Variants in ENOX1 observed in about 807,000 individuals in gnomAD.
ENOX1 encodes the protein candidate growth-related and time keeping constitutive hydroquinone (NADH) oxidase.
A neutral mutation model predicts 82.5 loss-of-function variants in ENOX1; 42 were observed. That is an observed-to-expected ratio of 0.51 (90% confidence interval 0.40 to 0.66). ENOX1 has a LOEUF of 0.66. ENOX1 is among the 30% of genes least tolerant of loss of function. The probability of loss-of-function intolerance (pLI) is 0.00; values close to 1 mark genes in which losing one functional copy is unlikely to be tolerated. For synonymous variants in ENOX1, 271 were observed against 282.2 expected (o/e 0.96, Z 0.40); for missense variants, 608 against 811.6 (o/e 0.75, Z 3.05).
chr13:43,684,878 T>C (rs1409777401), intron 1 of ENOX1, among the ~76,000 whole-genome samples: 2 of 152,202 alleles, frequency 1.3e-5, no homozygotes, highest in African/African-American at 4.8e-5. Context: ...GCATATGTTA[T>C]ACTCAGTCAA....
chr13:43,434,937 G>GTTTGTTTTTTTTTTTTTT lies in ENOX1; in HGVS notation c.-74-21950_-74-21949insAAAAAAAAAAAAAACAAA, dbSNP rs1555273075. Reference sequence around the variant, plus strand: ...CGTGTCTTATTATTGTGTGTGTGTGGTTTTTTTTTTTTTTTTTTTTTTTTT... The same window carrying GTTTGTTTTTTTTTTTTTT: ...CGTGTCTTATTATTGTGTGTGTGTGGTTTGTTTTTTTTTTTTTTTTTTTTTTTTTTTTTTTTTTTTTTT... On this transcript the variant is annotated intron_variant, in intron 3 of 16. Transcript: ENST00000690772. Among the ~76,000 whole-genome samples, 2 of 75,904 alleles carry GTTTGTTTTTTTTTTTTTT rather than the reference G, an allele frequency of 2.6e-5. 1 individual carries two copies. 49.8% of individuals were successfully genotyped at this position (75,904 alleles called of 152,430 possible). A position where few individuals can be genotyped will look rare whatever the true frequency, so the allele number is the denominator to read the frequency against.
intron 3 of ENOX1, among the ~76,000 whole-genome samples, chr13:43,453,414 A>G (rs995842307): frequency 1.3e-5 from 2 of 152,218 alleles, no homozygotes; most frequent in African/African-American, 4.8e-5. Context: ...CATACATTCT[A>G]GTGATGTTTA....
At chr13:43,355,251 G>C (rs181351160) in intron 8 of ENOX1, among the ~76,000 whole-genome samples, 1 of 152,266 alleles carries the variant, frequency 6.6e-6, no homozygotes, top group Admixed American at 6.5e-5. Flanking sequence ...AGGTACCAGA[G>C]CCTTCCTATG....
chr13:43,463,509 G>T (rs568142038), intron 3 of ENOX1, among the ~76,000 whole-genome samples: 8 of 152,254 alleles, frequency 5.3e-5, no homozygotes, highest in Admixed American at 5.2e-4. Context: ...GCATCAAAAA[G>T]CATCACCTTG....
chr13:43,591,906 C>A (rs1017028809), intron 2 of ENOX1, among the ~76,000 whole-genome samples: 1 of 152,104 alleles, frequency 6.6e-6, no homozygotes, highest in African/African-American at 2.4e-5. Context: ...ACCAGCCTGG[C>A]TTTGACACCC....
chr13:43,602,271 G>A (rs1157817034), intron 2 of ENOX1, among the ~76,000 whole-genome samples: 2 of 151,950 alleles, frequency 1.3e-5, no homozygotes, highest in Non-Finnish European at 2.9e-5. Flanking sequence ...TTTACTATAT[G>A]AGGATATTTT....
intron 1 of ENOX1, among the ~76,000 whole-genome samples, chr13:43,705,305 ACT>A (rs33978402): frequency 0.014 from 1,903 of 132,592 alleles, 47 homozygotes; most frequent in African/African-American, 0.05. Flanking sequence ...ACAAACAACA[ACT>A]CTCTCTCTCT....
chr13:43,779,350 G>A (rs1225622218), intron 1 of ENOX1, among the ~76,000 whole-genome samples: 2 of 152,204 alleles, frequency 1.3e-5, no homozygotes, highest in Admixed American at 6.5e-5. Context: ...AGGTTGTCTA[G>A]CTGGCTATGA....
At chr13:43,229,095 T>G (rs535731069) in intron 15 of ENOX1, among the ~76,000 whole-genome samples, 64 of 152,316 alleles carry the variant, frequency 4.2e-4, no homozygotes, top group Non-Finnish European at 5.7e-4. Context: ...TCGTGAGATC[T>G]GATGGTTTTA....
intron 2 of ENOX1, among the ~76,000 whole-genome samples, chr13:43,598,229 T>C (rs2081554123): frequency 6.6e-6 from 1 of 151,650 alleles, no homozygotes; most frequent in South Asian, 2.1e-4. Context: ...ACAGCCAAAT[T>C]AGTGTATAGC....
chr13:43,642,807 T>A (rs960871871), intron 2 of ENOX1, among the ~76,000 whole-genome samples: 1 of 152,254 alleles, frequency 6.6e-6, no homozygotes, highest in Non-Finnish European at 1.5e-5. Flanking sequence ...TAATGGAATA[T>A]CAATTTTCCT....
chr13:43,754,046 A>G, intron 1 of ENOX1, among the ~76,000 whole-genome samples: 1 of 47,956 alleles, frequency 2.1e-5, no homozygotes, highest in Non-Finnish European at 9.2e-5. Flanking sequence ...GTATATAAAT[A>G]CACATATATA....
chr13:43,555,771 G>GA (rs2079406988), intron 2 of ENOX1, among the ~76,000 whole-genome samples: 1 of 152,184 alleles, frequency 6.6e-6, no homozygotes, highest in Non-Finnish European at 1.5e-5. Flanking sequence ...TGTGCTAAGA[G>GA]TTTAGAATCA....
chr13:43,554,735 C>G lies in ENOX1; in HGVS notation c.-218-70583G>C, dbSNP rs1195284393. Among the ~76,000 whole-genome samples, 4 of 152,118 alleles carry G rather than the reference C, an allele frequency of 2.6e-5. No individual in the cohort carries two copies. The East Asian group carries it at 7.7e-4, about 29-fold the overall frequency. Reference sequence around the variant, plus strand: ...GGGACCACAGGTGCACACCACCACACTCAGCTAATTTTTGTATTGTTTGTA... The same window carrying G: ...GGGACCACAGGTGCACACCACCACAGTCAGCTAATTTTTGTATTGTTTGTA... On this transcript the variant is annotated intron_variant, in intron 2 of 16. Transcript: ENST00000690772.
intron 1 of ENOX1, among the ~76,000 whole-genome samples, chr13:43,767,232 G>A (rs1399695064): frequency 3.3e-5 from 5 of 152,208 alleles, no homozygotes; most frequent in Non-Finnish European, 7.3e-5. Flanking sequence ...TAAAGAGACA[G>A]GAGCAAAAAT....
At chr13:43,595,022 G>A (rs2081400886) in intron 2 of ENOX1, among the ~76,000 whole-genome samples, 1 of 151,444 alleles carries the variant, frequency 6.6e-6, no homozygotes, top group East Asian at 1.9e-4. Flanking sequence ...TCAGAGAGGC[G>A]GGTGGAGATC....
chr13:43,297,769 C>G (rs2046356704), intron 12 of ENOX1, among the ~76,000 whole-genome samples: 1 of 152,178 alleles, frequency 6.6e-6, no homozygotes, highest in Admixed American at 6.5e-5. Context: ...GTCTGGCACT[C>G]TTCAACAAAA....
intron 2 of ENOX1, among the ~76,000 whole-genome samples, chr13:43,535,846 C>A (rs1309794432): frequency 1.3e-5 from 2 of 152,188 alleles, no homozygotes; most frequent in African/African-American, 2.4e-5. Flanking sequence ...TACAGTTCCA[C>A]TCCTTGTTCT....
intron 2 of ENOX1, among the ~76,000 whole-genome samples, chr13:43,540,356 C>T (rs2078653149): frequency 6.6e-6 from 1 of 152,100 alleles, no homozygotes; most frequent in Admixed American, 6.5e-5. Flanking sequence ...CTAAAGCCAA[C>T]TTCGTGTTAC....
Sources: allele counts gnomAD v4.1 joint callset (sites outside exome capture counted in the v4.1 genomes callset), GRCh38; gene constraint gnomAD v4.1.1; transcripts MANE v1.5; gene names NCBI Gene and HGNC (gene_info 2026-07-23, HGNC 2026-07-21).